The following GNA14 variants were observed in gnomAD, a reference collection of about 807,000 sequenced individuals.
GNA14 encodes guanine nucleotide-binding protein subunit alpha-14.
Under a neutral mutation model 42.0 loss-of-function variants are expected in GNA14, and 50 were observed. The observed-to-expected ratio is 1.19, with a 90% CI of 0.95 to 1.51. The LOEUF (loss-of-function observed/expected upper bound fraction) is 1.51. Among genes scored for constraint, GNA14 ranks in the 40% most tolerant of loss-of-function variants. The pLI is 0.00. For synonymous variants in GNA14, 173 were observed against 163.1 expected, an observed-to-expected ratio of 1.06 and a Z score of -0.46; for missense variants, 473 against 446.2, an observed-to-expected ratio of 1.06 and a Z score of -0.54.
intron 2 of GNA14, among the ~76,000 whole-genome samples, chr9:77,443,846 G>A (rs1835772876): frequency 6.6e-6 from 1 of 152,160 alleles, no homozygotes. Context: ...GCTGAGCATG[G>A]TGATGCGTGC....
In GNA14 at chr9:77,647,747, C is replaced by T. The variant is rs751699547; in HGVS notation, c.47G>A (p.Arg16His). Reference sequence around the variant, plus strand: ...CTGTCGCTCGATCTCCGCGCTGATGCGCTGCGACTCCTTCTCCTCCGCGGA... The same window carrying T: ...CTGTCGCTCGATCTCCGCGCTGATGTGCTGCGACTCCTTCTCCTCCGCGGA... ...CLSAEEKESQ[R>H]ISAEIERQLR... The change falls in exon 1 of 7, where the codon CGC becomes CAC. Residue 16 changes from arginine (R) to histidine (H), a missense_variant. By Grantham distance (29) the Arg-to-His change is conservative. Coordinates refer to ENST00000341700, the MANE Select transcript of GNA14 (RefSeq NM_004297.4). 3 of 1,609,798 alleles carry T rather than the reference C, an allele frequency of 1.9e-6. No homozygotes were observed. The highest frequency in any genetic ancestry group is 1.1e-5 in the South Asian group (1 of 90,212).
intron 2 of GNA14, among the ~76,000 whole-genome samples, chr9:77,528,744 A>G (rs932793019): frequency 1.1e-4 from 17 of 152,302 alleles, no homozygotes; most frequent in African/African-American, 3.4e-4. Flanking sequence ...CATTGCTCCA[A>G]TGAAGAAATT....
At chr9:77,624,202 G>A (rs1341815007) in intron 1 of GNA14, among the ~76,000 whole-genome samples, 1 of 152,180 alleles carries the variant, frequency 6.6e-6, no homozygotes, top group Non-Finnish European at 1.5e-5. Flanking sequence ...AGCCGCTGTG[G>A]CCAGACTGCC....
At chr9:77,588,533 G>C (rs1457221312) in intron 1 of GNA14, among the ~76,000 whole-genome samples, 1 of 152,174 alleles carries the variant, frequency 6.6e-6, no homozygotes, top group Non-Finnish European at 1.5e-5. Context: ...TCTGACAGCT[G>C]AATGAGTCAC....
At chr9:77,479,604 TACCTTGGGCAGTATGGCCATTTTCACG>T (rs1395314581) in intron 2 of GNA14, among the ~76,000 whole-genome samples, 23 of 152,288 alleles carry the variant, frequency 1.5e-4, no homozygotes, top group East Asian at 1.2e-3. Flanking sequence ...ATCTATAAAT[TACCTTGGGCAGTATGGCCATTTTCACG>T]ACCTTGGGCA....
chr9:77,472,014 C>T (rs56964883), intron 2 of GNA14, among the ~76,000 whole-genome samples: 28,921 of 152,110 alleles, frequency 0.19, 2,939 homozygotes, highest in East Asian at 0.33. Flanking sequence ...AATATTACTA[C>T]AGGCTAATTC....
chr9:77,466,354 A>G (rs1316979543), intron 2 of GNA14, among the ~76,000 whole-genome samples: 2 of 152,008 alleles, frequency 1.3e-5, no homozygotes, highest in East Asian at 3.9e-4. Flanking sequence ...CTTTAAGTTC[A>G]CACCGATTTT....
At chr9:77,551,736 A>G (rs1175238286) in intron 1 of GNA14, among the ~76,000 whole-genome samples, 3 of 152,074 alleles carry the variant, frequency 2.0e-5, no homozygotes, top group Non-Finnish European at 2.9e-5. Flanking sequence ...AGTTAGGGCC[A>G]TGTTCTTTGC....
At chr9:77,581,037 C>CACA (rs375382462) in intron 1 of GNA14, among the ~76,000 whole-genome samples, 7 of 137,052 alleles carry the variant, frequency 5.1e-5, no homozygotes, top group African/African-American at 1.9e-4. Context: ...CACACACACA[C>CACA]AATAGTACCC....
chr9:77,601,894 G>A lies in GNA14; in HGVS notation c.124+45776C>T, dbSNP rs563489514. 2.6e-5 allele frequency among the ~76,000 whole-genome samples: 4 copies of A among 152,304 alleles called. No homozygotes were observed. In the East Asian group the frequency reaches 5.8e-4, roughly 22 times the overall value. ...TTCAATGCTTTCCAGGGCCACCAAT[G>A]GGTCTGCTTTTTCCCAGTGACTCAT... On this transcript the variant is annotated intron_variant, in intron 1 of 6. Transcript: ENST00000341700.
intron 1 of GNA14, among the ~76,000 whole-genome samples, chr9:77,536,411 C>T (rs1400583009): frequency 1.3e-5 from 2 of 152,176 alleles, no homozygotes; most frequent in African/African-American, 2.4e-5. Context: ...AGTGCAGTCA[C>T]ACGATCTTGG....
intron 1 of GNA14, among the ~76,000 whole-genome samples, chr9:77,639,353 A>G (rs7872536): frequency 0.064 from 9,730 of 152,314 alleles, 865 homozygotes; most frequent in African/African-American, 0.2. Context: ...TCATAATAGT[A>G]CGTGCCTCAT....
At chr9:77,548,525 G>A (rs1166088295) in intron 1 of GNA14, among the ~76,000 whole-genome samples, 1 of 152,150 alleles carries the variant, frequency 6.6e-6, no homozygotes, top group Non-Finnish European at 1.5e-5. Context: ...TCTTAAATTG[G>A]ACATAATAAA....
At chr9:77,528,814 A>G (rs995625207) in intron 2 of GNA14, among the ~76,000 whole-genome samples, 3 of 152,176 alleles carry the variant, frequency 2.0e-5, no homozygotes, top group African/African-American at 7.2e-5. Context: ...CGCCGGAAAT[A>G]AGGAACCTAA....
intron 2 of GNA14, among the ~76,000 whole-genome samples, chr9:77,494,698 G>C (rs531761581): frequency 2.0e-5 from 3 of 152,202 alleles, no homozygotes; most frequent in African/African-American, 7.2e-5. Context: ...ATATTGAGCT[G>C]TAAGTATTTA....
chr9:77,444,705 A>C (rs1835787063), intron 2 of GNA14, among the ~76,000 whole-genome samples: 1 of 152,116 alleles, frequency 6.6e-6, no homozygotes, highest in African/African-American at 2.4e-5. Context: ...TCATAAGCCC[A>C]TCATTCCCCA....
chr9:77,424,691 T>C lies in GNA14; in HGVS notation c.878-522A>G, dbSNP rs540932366. Among the ~76,000 whole-genome samples, 3 of 152,330 alleles carry C rather than the reference T, an allele frequency of 2.0e-5. No homozygotes were observed. The East Asian group carries it at 5.8e-4, about 29-fold the overall frequency. ...CCTCTGGTATCTAAAAATTGTACTT[T>C]ACAGTGATTTGTTTAAACATAGTGA... On this transcript the variant is annotated intron_variant, in intron 6 of 6. Coordinates refer to ENST00000341700, the MANE Select transcript of GNA14 (RefSeq NM_004297.4).
At position 77,553,699 on chromosome 9, in the gene GNA14, A is replaced by AG. The variant is rs1837812513; in HGVS notation, c.125-24447dup. Among the ~76,000 whole-genome samples, 3 of 152,184 alleles carry AG rather than the reference A, an allele frequency of 2.0e-5. No individual in the cohort carries two copies. The East Asian group carries it at 5.9e-4, about 30-fold the overall frequency. ...CCCATTCCCACTTATTTGTGTGCAC[A>AG]GCAAGATGAAGAATTATATGACAGC... On this transcript the variant is annotated intron_variant, in intron 1 of 6. Transcript: ENST00000341700.
intron 2 of GNA14, among the ~76,000 whole-genome samples, chr9:77,516,909 G>A (rs1245925621): frequency 1.3e-5 from 2 of 152,186 alleles, no homozygotes; most frequent in Non-Finnish European, 2.9e-5. Context: ...GGAAAGTGAG[G>A]ATCGTGGTTG....
Sources: allele counts gnomAD v4.1 joint callset (sites outside exome capture counted in the v4.1 genomes callset), GRCh38; gene constraint gnomAD v4.1.1; transcripts MANE v1.5; gene names NCBI Gene and HGNC (gene_info 2026-07-23, HGNC 2026-07-21).